Variants in CHM observed in about 807,000 individuals in gnomAD.
CHM encodes rab proteins geranylgeranyltransferase component A 1.
A neutral mutation model predicts 49.0 loss-of-function variants in CHM; 10 were observed. The ratio of observed to expected loss-of-function variants is 0.20; its 90% CI spans 0.13 to 0.35. The LOEUF is 0.35. CHM is among the 10% of genes least tolerant of loss of function. The pLI is 1.00. For synonymous variants in CHM, 184 were observed against 167.5 expected (o/e 1.10, Z -0.76); for missense variants, 455 against 478.4 (o/e 0.95, Z 0.46).
At chrX:85,991,772 A>G (rs1241941416) in intron 2 of CHM, among the ~76,000 whole-genome samples, 3 of 110,773 alleles carry the variant, frequency 2.7e-5, no homozygotes, top group Non-Finnish European at 5.7e-5. Flanking sequence ...TTTTTAAAGT[A>G]TATTAAAGGA....
At chrX:85,959,280 C>A (rs1456560702) in intron 5 of CHM, among the ~76,000 whole-genome samples, 3 of 111,772 alleles carry the variant, frequency 2.7e-5, no homozygotes, top group African/African-American at 9.7e-5. Context: ...TATTTCACTG[C>A]AGAAATAATG....
intron 4 of CHM, among the ~76,000 whole-genome samples, chrX:85,967,435 G>C (rs756582215): frequency 2.0e-4 from 22 of 111,817 alleles, no homozygotes; most frequent in Non-Finnish European, 3.6e-4. Flanking sequence ...GGAGTTCTAA[G>C]ATATTACAAT....
At position 85,956,534 on chromosome X, in the gene CHM, G is replaced by T. The variant is rs772405971; in HGVS notation, c.941-156C>A. Among the ~76,000 whole-genome samples the T allele has an allele frequency of 1.5e-3, 167 of 111,112 alleles. 1 individual carries two copies. Among genetic ancestry groups the T allele is most frequent in the African/African-American group, 4.7e-3 (144 of 30,610 alleles). On this transcript the variant is annotated intron_variant, in intron 7 of 14. Transcript: ENST00000357749. The stretch of plus-strand genomic sequence containing the variant: ...TGATGGTTGATCTTAGGAAAAAATG[G>T]AAACAATCTCTCTCTCTTATTTGGA...
intron 2 of CHM, among the ~76,000 whole-genome samples, chrX:86,015,532 T>C (rs1933260390): frequency 9.0e-6 from 1 of 110,541 alleles, no homozygotes; most frequent in Non-Finnish European, 1.9e-5. Flanking sequence ...CAGGCAGAGG[T>C]TGGAACAGTT....
At chrX:85,934,298 T>C (rs1004751233) in intron 8 of CHM, among the ~76,000 whole-genome samples, 1 of 103,573 alleles carries the variant, frequency 9.7e-6, no homozygotes, top group African/African-American at 3.5e-5. Context: ...TTTTTTTTTT[T>C]TTTTTTTAGG....
chrX:85,902,229 G>A (rs1045296635), intron 9 of CHM, among the ~76,000 whole-genome samples: 1 of 111,521 alleles, frequency 9.0e-6, no homozygotes, highest in Non-Finnish European at 1.9e-5. Flanking sequence ...AAAGCATACT[G>A]TAAAATATAC....
At chrX:85,920,197 G>A (rs977937769) in intron 8 of CHM, among the ~76,000 whole-genome samples, 6 of 109,616 alleles carry the variant, frequency 5.5e-5, no homozygotes, top group South Asian at 4.0e-4. Flanking sequence ...CCTGGTTCAC[G>A]CCATTCTCCT....
In CHM at chrX:85,971,087, T is replaced by C. The variant is rs184759876; in HGVS notation, c.315-7035A>G. The C allele has an allele frequency of 2.5e-3, 1,579 of 620,363 alleles. 24 individuals carry two copies. The African/African-American group carries it at 0.037, about 15-fold the overall frequency. The allele number at this position is 620,363 out of a possible 1,213,427, so 51.1% of individuals were successfully genotyped here. On this transcript the variant is annotated intron_variant, in intron 4 of 14. Transcript: ENST00000357749. ...TCCTATATATTTATATTAGAATACA[T>C]AATATATAAATACACCCTATATATT...
chrX:85,989,526 G>C (rs1161874515), intron 2 of CHM, among the ~76,000 whole-genome samples: 1 of 112,076 alleles, frequency 8.9e-6, no homozygotes, highest in African/African-American at 3.2e-5. Flanking sequence ...CAGAGTTTCT[G>C]CACAGCAAAA....
intron 2 of CHM, among the ~76,000 whole-genome samples, chrX:86,026,433 A>G (rs1413058115): frequency 3.6e-5 from 4 of 110,210 alleles, no homozygotes; most frequent in Non-Finnish European, 7.6e-5. Flanking sequence ...ACCTGGCCCA[A>G]GGCAGCAGAT....
intron 3 of CHM, among the ~76,000 whole-genome samples, chrX:85,981,206 C>CTATTTCTATATATATATATA (rs1555958595): frequency 2.6e-4 from 14 of 54,355 alleles, no homozygotes; most frequent in African/African-American, 4.8e-4. Flanking sequence ...ATTTCTATTT[C>CTATTTCTATATATATATATA]TATATATATA....
At chrX:85,865,652 T>C (rs1398178135) in intron 14 of CHM, among the ~76,000 whole-genome samples, 1 of 111,589 alleles carries the variant, frequency 9.0e-6, no homozygotes, top group Non-Finnish European at 1.9e-5. Context: ...TGGAACTTTC[T>C]AGAGACTTGT....
At chrX:85,936,611 TA>T (rs1299565401) in intron 8 of CHM, among the ~76,000 whole-genome samples, 1 of 112,404 alleles carries the variant, frequency 8.9e-6, no homozygotes, top group East Asian at 2.8e-4. Flanking sequence ...AAAGATTTTA[TA>T]AAAAGACTCA....
intron 2 of CHM, among the ~76,000 whole-genome samples, chrX:86,003,070 A>T (rs1932779624): frequency 8.9e-6 from 1 of 111,974 alleles, no homozygotes; most frequent in African/African-American, 3.3e-5. Context: ...TTGTTGTTCT[A>T]CAATAATTGC....
At chrX:85,942,132 C>T (rs1929140745) in intron 8 of CHM, among the ~76,000 whole-genome samples, 1 of 110,869 alleles carries the variant, frequency 9.0e-6, no homozygotes, top group Non-Finnish European at 1.9e-5. Context: ...TTCTTATTCA[C>T]TATTCTACAC....
At chrX:86,031,169 G>A (rs1934026374) in intron 1 of CHM, among the ~76,000 whole-genome samples, 1 of 111,321 alleles carries the variant, frequency 9.0e-6, no homozygotes, top group South Asian at 3.8e-4. Flanking sequence ...CCATGGGTTT[G>A]GGGGAGAGGG....
chrX:85,978,208 T>C (rs1931386658), intron 4 of CHM, among the ~76,000 whole-genome samples: 1 of 112,079 alleles, frequency 8.9e-6, no homozygotes. Context: ...TTCCAACTGT[T>C]CTATCCTAAT....
intron 1 of CHM, chrX:86,047,216 G>A (rs1603288696): frequency 4.8e-6 from 2 of 415,597 alleles, no homozygotes; most frequent in African/African-American, 2.5e-5. Context: ...TCCCTCTAAG[G>A]AAATTAACAG....
At chrX:85,931,872 G>A (rs899922569) in intron 8 of CHM, among the ~76,000 whole-genome samples, 5 of 112,291 alleles carry the variant, frequency 4.5e-5, no homozygotes, top group Admixed American at 9.4e-5. Context: ...AGCAGAACAA[G>A]AGGGCATCCT....
Sources: gnomAD v4.1 joint callset for allele counts (sites outside exome capture counted in the v4.1 genomes callset) on GRCh38, gnomAD v4.1.1 for gene constraint, MANE v1.5 for transcripts, NCBI Gene and HGNC (gene_info 2026-07-23, HGNC 2026-07-21) for gene names.